The following SRGAP3 variants were observed in gnomAD, a reference collection of about 807,000 sequenced individuals.
SRGAP3 encodes the protein SLIT-ROBO Rho GTPase-activating protein 3.
In SRGAP3, 39 loss-of-function variants were observed where a neutral mutation model predicts 121.1. The observed-to-expected ratio is 0.32, with a 90% confidence interval of 0.25 to 0.42. The LOEUF is 0.42. SRGAP3 is among the 10% of genes least tolerant of loss of function. The pLI is 1.00. For missense variants in SRGAP3, 1,213 were observed against 1,470.6 expected, an observed-to-expected ratio of 0.82 and a Z score of 2.86; for synonymous variants, 601 against 570.0, an observed-to-expected ratio of 1.05 and a Z score of -0.77.
upstream of SRGAP3, among the ~76,000 whole-genome samples, chr3:9,253,085 C>G (rs1251774032): frequency 6.6e-6 from 1 of 152,154 alleles, no homozygotes; most frequent in Non-Finnish European, 1.5e-5. Flanking sequence ...TGCTACAGCC[C>G]CATGAGTCCA....
At chr3:9,213,704 T>A (rs1368486422) in intron 1 of SRGAP3, among the ~76,000 whole-genome samples, 1 of 152,164 alleles carries the variant, frequency 6.6e-6, no homozygotes, top group Non-Finnish European at 1.5e-5. Context: ...AAATACGAAC[T>A]CTTAACAGGG....
chr3:9,348,817 G>A, intron 1 of SRGAP3: 3 of 1,365,248 alleles, frequency 2.2e-6, no homozygotes, highest in South Asian at 1.2e-5. Flanking sequence ...CACCTCTAAT[G>A]GAGCCCGACC....
In SRGAP3 at chr3:8,984,479, T is replaced by A. The variant is rs961292525; in HGVS notation, c.*1040A>T. On this transcript the variant is annotated 3_prime_UTR_variant, in exon 22 of 22. Transcript: ENST00000383836. Reference sequence around the variant, plus strand: ...GTTTGAAAATGATATAAGTTAAACCTCTATAGTTACCACAGATTTATTCCT... The same window carrying A: ...GTTTGAAAATGATATAAGTTAAACCACTATAGTTACCACAGATTTATTCCT... The A allele has an allele frequency of 4.3e-6, 1 of 232,460 alleles. No individual in the cohort carries two copies. The highest frequency in any genetic ancestry group is 5.6e-5 in the Admixed American group (1 of 17,780). 14.4% of individuals were successfully genotyped at this position (232,460 alleles called of 1,614,324 possible).
intron 1 of SRGAP3, among the ~76,000 whole-genome samples, chr3:9,209,753 T>C (rs1417628232): frequency 1.3e-5 from 2 of 152,200 alleles, no homozygotes; most frequent in Non-Finnish European, 2.9e-5. Flanking sequence ...GGAGTTTGGC[T>C]AAATGCATAA....
At chr3:9,159,678 A>T (rs992623707) in intron 1 of SRGAP3, among the ~76,000 whole-genome samples, 1 of 152,158 alleles carries the variant, frequency 6.6e-6, no homozygotes, top group African/African-American at 2.4e-5. Flanking sequence ...AAATCATAAT[A>T]ATGTTGTGTT....
chr3:9,199,823 C>A (rs2125154601), intron 1 of SRGAP3, among the ~76,000 whole-genome samples: 1 of 152,236 alleles, frequency 6.6e-6, no homozygotes, highest in East Asian at 1.9e-4. Flanking sequence ...CATACCAAGC[C>A]CCATCCAAAA....
At chr3:9,096,752 T>C (rs1375739821) in intron 3 of SRGAP3, among the ~76,000 whole-genome samples, 1 of 151,282 alleles carries the variant, frequency 6.6e-6, no homozygotes, top group Non-Finnish European at 1.5e-5. Flanking sequence ...TGAGCATATT[T>C]TCTTATTTCT....
intron 1 of SRGAP3, among the ~76,000 whole-genome samples, chr3:9,170,309 T>A (rs448254): frequency 0.19 from 29,320 of 152,120 alleles, 3,215 homozygotes; most frequent in Non-Finnish European, 0.26. Context: ...ACTTGAGACT[T>A]GGTAACATTG....
chr3:9,344,841 C>T (rs1248703383), intron 1 of SRGAP3, among the ~76,000 whole-genome samples: 1 of 151,998 alleles, frequency 6.6e-6, no homozygotes, highest in African/African-American at 2.4e-5. Flanking sequence ...TCAAGACCAT[C>T]CTGGCCAACA....
chr3:9,168,439 C>T (rs1405116587), intron 1 of SRGAP3, among the ~76,000 whole-genome samples: 3 of 152,200 alleles, frequency 2.0e-5, no homozygotes, highest in African/African-American at 7.2e-5. Context: ...GCACGTGTGC[C>T]CTCCCTCACT....
At chr3:9,101,962 G>A (rs1948233221) in intron 3 of SRGAP3, among the ~76,000 whole-genome samples, 2 of 152,222 alleles carry the variant, frequency 1.3e-5, no homozygotes, top group Admixed American at 1.3e-4. Flanking sequence ...TCATGAAAAG[G>A]TAAGTTATTA....
At chr3:9,149,757 CCA>C (rs1375224991) in intron 1 of SRGAP3, among the ~76,000 whole-genome samples, 1 of 152,234 alleles carries the variant, frequency 6.6e-6, no homozygotes, top group African/African-American at 2.4e-5. Flanking sequence ...TAGCTGACCT[CCA>C]GATAACTCCA....
chr3:8,993,878 A>AT, intron 19 of SRGAP3: 1 of 184,288 alleles, frequency 5.4e-6, no homozygotes, highest in Non-Finnish European at 1.1e-5. Flanking sequence ...GGCATTTGGG[A>AT]TGCAGGGCTC....
At chr3:9,107,335 G>A (rs933225149) in intron 2 of SRGAP3, among the ~76,000 whole-genome samples, 3 of 152,198 alleles carry the variant, frequency 2.0e-5, no homozygotes, top group African/African-American at 7.2e-5. Flanking sequence ...AGAGGAAGGT[G>A]GTTCCAGTCT....
chr3:9,115,632 C>T lies in SRGAP3; in HGVS notation c.260+9093G>A, dbSNP rs555893491. On this transcript the variant is annotated intron_variant, in intron 2 of 21. Coordinates refer to ENST00000383836, the MANE Select transcript of SRGAP3 (RefSeq NM_014850.4). ...TGAGCCTCCTATGTTAAAATCCTTT[C>T]CCCTCATTTAAAAAAAAAATTGTGG... 7.3e-5 allele frequency among the ~76,000 whole-genome samples: 11 copies of T among 150,852 alleles called. No individual in the cohort carries two copies. In the East Asian group the frequency reaches 2.1e-3, roughly 29 times the overall value.
chr3:9,345,785 C>CAAAAAAAAAAAAAAAAAAAAAAAA, intron 1 of SRGAP3, among the ~76,000 whole-genome samples: 1 of 65,266 alleles, frequency 1.5e-5, no homozygotes, highest in Middle Eastern at 8.9e-3. Context: ...GACTCCAACT[C>CAAAAAAAAAAAAAAAAAAAAAAAA]AAAAAAAAAA....
chr3:9,117,353 C>A (rs1255279987), intron 2 of SRGAP3, among the ~76,000 whole-genome samples: 2 of 152,190 alleles, frequency 1.3e-5, no homozygotes, highest in African/African-American at 4.8e-5. Context: ...GATGCTTTAT[C>A]CCCGCTAAGA....
chr3:9,036,097 A>G (rs1944729144), intron 11 of SRGAP3: 1 of 152,258 alleles, frequency 6.6e-6, no homozygotes, highest in African/African-American at 2.4e-5. Context: ...CCTGAATTAC[A>G]GGGTTATTAT....
chr3:9,013,417 T>G lies in SRGAP3; in HGVS notation c.2038A>C (p.Asn680His). 6.2e-7 allele frequency: 1 copy of G among 1,614,102 alleles called. No individual in the cohort carries two copies. Among genetic ancestry groups the G allele is most frequent in the Non-Finnish European group, 8.5e-7 (1 of 1,180,014 alleles). The change falls in exon 17 of 22, where the codon AAT becomes CAT. Residue 680 changes from asparagine (N) to histidine (H), a missense_variant. This residue lies in a region of SRGAP3 where 793 missense variants were observed against 1,032.9 expected (regional missense o/e 0.77). Transcript: ENST00000383836. ...QDPVSCQAHINEVIKTIIIHH... is the reference protein window; with the variant it reads ...QDPVSCQAHIHEVIKTIIIHH... ...ATGATGATGGTTTTGATGACTTCAT[T>G]GATGTGTGCCTGGCAGGACACAGGG... is the stretch of plus-strand genomic sequence containing the variant.
Sources: allele counts gnomAD v4.1 joint callset (sites outside exome capture counted in the v4.1 genomes callset), GRCh38; gene constraint gnomAD v4.1.1; regional missense constraint gnomAD v4.1.1; transcripts MANE v1.5; gene names NCBI Gene and HGNC (gene_info 2026-07-23, HGNC 2026-07-21).